The following CMTR1 variants were observed in gnomAD, a reference collection of about 807,000 sequenced individuals.
CMTR1 encodes cap methyltransferase 1.
A neutral mutation model predicts 107.0 loss-of-function variants in CMTR1; 39 were observed. The observed-to-expected ratio is 0.36, with a 90% CI of 0.28 to 0.48. CMTR1 has a LOEUF of 0.48. Ranked by LOEUF, CMTR1 falls within the 20% of genes least tolerant of loss-of-function variation. The pLI is 0.99. For synonymous variants in CMTR1, 366 were observed against 379.5 expected (o/e 0.96, Z 0.41); for missense variants, 672 against 1,064.9 (o/e 0.63, Z 5.14).
intron 20 of CMTR1, among the ~76,000 whole-genome samples, chr6:37,477,130 C>T (rs1254129999): frequency 2.0e-5 from 3 of 152,172 alleles, no homozygotes; most frequent in Non-Finnish European, 4.4e-5. Flanking sequence ...TAGGGTTTCC[C>T]CACCCGCTGT....
At chr6:37,439,227 G>A (rs1478458270) in intron 2 of CMTR1, among the ~76,000 whole-genome samples, 2 of 152,218 alleles carry the variant, frequency 1.3e-5, no homozygotes, top group Non-Finnish European at 2.9e-5. Flanking sequence ...TATTTTCAAA[G>A]GAGTTTGAAG....
chr6:37,447,222 C>G (rs1771816071), intron 4 of CMTR1, among the ~76,000 whole-genome samples: 1 of 152,176 alleles, frequency 6.6e-6, no homozygotes, highest in South Asian at 2.1e-4. Context: ...GCTCTGAACT[C>G]TGGAAAATTG....
intron 5 of CMTR1, among the ~76,000 whole-genome samples, chr6:37,451,498 G>T (rs564605986): frequency 6.6e-6 from 1 of 152,292 alleles, no homozygotes; most frequent in African/African-American, 2.4e-5. Context: ...ATGCTCCAGG[G>T]TTAGACAGCT....
chr6:37,443,341 A>G (rs914859401), intron 2 of CMTR1, among the ~76,000 whole-genome samples: 9 of 151,646 alleles, frequency 5.9e-5, no homozygotes, highest in African/African-American at 2.2e-4. Flanking sequence ...TACACTTTAT[A>G]TTTGACAATG....
At chr6:37,459,048 C>G (rs1033159914) in intron 9 of CMTR1, among the ~76,000 whole-genome samples, 3 of 152,258 alleles carry the variant, frequency 2.0e-5, no homozygotes, top group African/African-American at 4.8e-5. Context: ...ATTAATTCCT[C>G]CTTTCAGGAA....
At chr6:37,457,227 A>C (rs996488241) in intron 8 of CMTR1, among the ~76,000 whole-genome samples, 4 of 152,042 alleles carry the variant, frequency 2.6e-5, no homozygotes, top group Admixed American at 2.0e-4. Flanking sequence ...CAAAAAAAAA[A>C]AAAACAAAAA....
In CMTR1 at chr6:37,458,492, G is replaced by A. The variant is rs1761341089; in HGVS notation, c.778-120G>A. 1 of 893,872 alleles carries A rather than the reference G, an allele frequency of 1.1e-6. No homozygotes were observed. Among genetic ancestry groups the A allele is most frequent in the Non-Finnish European group, 1.7e-6 (1 of 591,088 alleles). 55.4% of individuals were successfully genotyped at this position (893,872 alleles called of 1,614,324 possible). A position where few individuals can be genotyped will look rare whatever the true frequency, so the allele number is the denominator to read the frequency against. ...ACATTTCCTGGGTGCTGTAGCTCTG[G>A]TGGGAGCTCTGGATTGTACTTGCCG... On this transcript the variant is annotated intron_variant, in intron 8 of 23. Coordinates refer to ENST00000373451, the MANE Select transcript of CMTR1 (RefSeq NM_015050.3). This position sits in a 1 kb window ranked among gnomAD's most constrained non-coding sequence, Gnocchi z 4.7.
At position 37,475,314 on chromosome 6, in the gene CMTR1, C is replaced by T. The variant is rs758300503; in HGVS notation, c.1945-7C>T. On this transcript the variant is annotated splice_region_variant and splice_polypyrimidine_tract_variant and intron_variant, in intron 18 of 23. Transcript: ENST00000373451. ...AGAGTGGGCAGTGTACCTACTTATC[C>T]TTCTAGGGGAAGGCCCAGAGGAAGA... The T allele has an allele frequency of 1.2e-6, 2 of 1,612,562 alleles. No homozygotes were observed. Among genetic ancestry groups the T allele is most frequent in the African/African-American group, 2.7e-5 (2 of 75,016 alleles).
At chr6:37,456,160 A>C (rs1757771144) in intron 8 of CMTR1, among the ~76,000 whole-genome samples, 1 of 152,254 alleles carries the variant, frequency 6.6e-6, no homozygotes, top group African/African-American at 2.4e-5. Context: ...GGGCACGGCC[A>C]GTGGCAAGGA....
At chr6:37,475,928 C>A in intron 19 of CMTR1, 198 bp from the exon 20 acceptor site, 1 of 584,762 alleles carries the variant, frequency 1.7e-6, no homozygotes, top group Non-Finnish European at 3.1e-6. Flanking sequence ...TCAGAATCCA[C>A]AGGGGCGGGG....
intron 13 of CMTR1, among the ~76,000 whole-genome samples, chr6:37,466,606 C>T (rs1025691138): frequency 6.6e-6 from 1 of 152,040 alleles, no homozygotes; most frequent in African/African-American, 2.4e-5. Context: ...GTCATTTAAC[C>T]ATATATATGT....
intron 8 of CMTR1, among the ~76,000 whole-genome samples, chr6:37,456,228 A>G (rs1392759454): frequency 2.0e-5 from 3 of 152,236 alleles, no homozygotes; most frequent in South Asian, 2.1e-4. Context: ...CCCCTGCCAC[A>G]TTACCACCAT....
intron 10 of CMTR1, 95 bp downstream of exon 10, chr6:37,459,779 C>A: frequency 2.3e-6 from 2 of 857,442 alleles, no homozygotes; most frequent in Non-Finnish European, 4.0e-6. Flanking sequence ...TAGCTGCTCC[C>A]AAAGATGGTA....
intron 13 of CMTR1, among the ~76,000 whole-genome samples, chr6:37,464,681 C>T (rs942748240): frequency 6.6e-6 from 1 of 151,954 alleles, no homozygotes; most frequent in Non-Finnish European, 1.5e-5. Flanking sequence ...ACTAGTATTC[C>T]ATTCCATTGT....
In CMTR1 at chr6:37,481,399, CA is replaced by C; in HGVS notation, c.*1255del. On this transcript the variant is annotated 3_prime_UTR_variant, in exon 24 of 24. Transcript: ENST00000373451. The stretch of plus-strand genomic sequence containing the variant: ...GTCCTTCAGCCAGCATCCAGCTCCC[CA>C]CCCCCAGGCTGGCAGTAGCACTGCT... The C allele has an allele frequency of 8.4e-7, 1 of 1,185,884 alleles. No homozygotes were observed. Among genetic ancestry groups the C allele is most frequent in the Non-Finnish European group, 1.1e-6 (1 of 941,108 alleles). 73.5% of individuals were successfully genotyped at this position (1,185,884 alleles called of 1,614,324 possible).
In CMTR1 at chr6:37,446,435, C is replaced by T. The variant is rs747046392; in HGVS notation, c.430C>T (p.Arg144Ter). 6.2e-7 allele frequency: 1 copy of T among 1,612,918 alleles called. No homozygotes were observed. The highest frequency in any genetic ancestry group is 1.1e-5 in the South Asian group (1 of 91,022). ...TGACCAGGAGCTGAACGTGGACTGG[C>T]GAGATGAGCCAGAGGTAAGTGTTAA... Reference protein sequence around the residue: ...GFDQELNVDWRDEPEPSACEQ... With the variant: ...GFDQELNVDW Residue 144 changes from arginine (R) to a stop codon, truncating the protein, a stop_gained, in exon 4 of 24, where the codon CGA becomes TGA. Coordinates refer to ENST00000373451, the MANE Select transcript of CMTR1 (RefSeq NM_015050.3). LOFTEE classifies it high-confidence loss of function.
At chr6:37,469,919 T>G (rs1220507426) in intron 13 of CMTR1, among the ~76,000 whole-genome samples, 3 of 139,072 alleles carry the variant, frequency 2.2e-5, no homozygotes, top group African/African-American at 1.0e-4. Flanking sequence ...CTAGATGATC[T>G]GTTTTTTTTT....
chr6:37,464,673 T>C (rs1363620634), intron 13 of CMTR1, among the ~76,000 whole-genome samples: 1 of 152,152 alleles, frequency 6.6e-6, no homozygotes, highest in African/African-American at 2.4e-5. Flanking sequence ...TCTTGCTGAC[T>C]AGTATTCCAT....
intron 4 of CMTR1, among the ~76,000 whole-genome samples, chr6:37,447,878 A>T (rs1771831664): frequency 6.7e-6 from 1 of 149,794 alleles, no homozygotes; most frequent in Non-Finnish European, 1.5e-5. Context: ...AAAAAAAAAA[A>T]AAAGCCCTAT....
Sources: allele counts gnomAD v4.1 joint callset (sites outside exome capture counted in the v4.1 genomes callset), GRCh38; gene constraint gnomAD v4.1.1; non-coding constraint Gnocchi (gnomAD v3.1); transcripts MANE v1.5; gene names NCBI Gene and HGNC (gene_info 2026-07-23, HGNC 2026-07-21).